CACNA2D3: variants seen among roughly 807,000 people sequenced by gnomAD.
CACNA2D3 encodes the protein calcium voltage-gated channel auxiliary subunit alpha2delta 3.
CACNA2D3 carries 60 observed loss-of-function variants against 160.6 expected under a neutral mutation model. That is an observed-to-expected ratio of 0.37 (90% CI 0.30 to 0.46). The LOEUF (loss-of-function observed/expected upper bound fraction) is 0.46, where lower values mean the gene tolerates loss of function less well. CACNA2D3 is among the 20% of genes least tolerant of loss of function. The probability of loss-of-function intolerance (pLI) is 1.00; values close to 1 mark genes in which losing one functional copy is unlikely to be tolerated. For synonymous variants in CACNA2D3, 558 were observed against 492.9 expected (o/e 1.13, Z -1.75); for missense variants, 1,205 against 1,365.0 (o/e 0.88, Z 1.85).
chr3:54,233,316 C>A (rs372009455), intron 2 of CACNA2D3, among the ~76,000 whole-genome samples: 2 of 152,130 alleles, frequency 1.3e-5, no homozygotes, highest in Non-Finnish European at 2.9e-5. Context: ...ATAGACAGAT[C>A]CATTAACTGG....
intron 14 of CACNA2D3, among the ~76,000 whole-genome samples, chr3:54,821,412 C>G (rs116353780): frequency 2.6e-5 from 4 of 152,134 alleles, no homozygotes; most frequent in African/African-American, 9.7e-5. Flanking sequence ...TGTTCTATGC[C>G]TGCTGTGATT....
At chr3:54,303,211 T>C (rs952470407) in intron 2 of CACNA2D3, among the ~76,000 whole-genome samples, 2 of 152,188 alleles carry the variant, frequency 1.3e-5, no homozygotes, top group Admixed American at 6.5e-5. Context: ...CACATTGCTT[T>C]TCTTCTCTGG....
intron 31 of CACNA2D3, among the ~76,000 whole-genome samples, chr3:54,994,326 C>T (rs951535689): frequency 1.6e-4 from 25 of 152,124 alleles, no homozygotes; most frequent in African/African-American, 4.3e-4. Flanking sequence ...CCTTTAATGC[C>T]GACTGCCCCG....
At chr3:54,332,875 T>C (rs1033116718) in intron 3 of CACNA2D3, among the ~76,000 whole-genome samples, 1 of 152,102 alleles carries the variant, frequency 6.6e-6, no homozygotes, top group African/African-American at 2.4e-5. Context: ...GATCTAGATT[T>C]ATAGCGGGCT....
intron 3 of CACNA2D3, among the ~76,000 whole-genome samples, chr3:54,348,283 T>C (rs1698493604): frequency 6.6e-6 from 1 of 152,218 alleles, no homozygotes; most frequent in Non-Finnish European, 1.5e-5. Flanking sequence ...GAGTAAGTAT[T>C]GGTACGTTTT....
At chr3:54,751,321 C>T (rs992004398) in intron 11 of CACNA2D3, among the ~76,000 whole-genome samples, 2 of 152,166 alleles carry the variant, frequency 1.3e-5, no homozygotes, top group Admixed American at 6.5e-5. Context: ...ATAATAATAA[C>T]GTGCATTTAC....
chr3:54,662,083 A>C (rs1699983866), intron 11 of CACNA2D3, among the ~76,000 whole-genome samples: 2 of 152,082 alleles, frequency 1.3e-5, no homozygotes, highest in Non-Finnish European at 2.9e-5. Context: ...GGCAGATATC[A>C]TGTTCCTCTG....
chr3:54,508,804 T>G (rs1575494933), intron 5 of CACNA2D3, among the ~76,000 whole-genome samples: 1 of 152,126 alleles, frequency 6.6e-6, no homozygotes, highest in East Asian at 1.9e-4. Context: ...AGCTACATTG[T>G]GCTCAGGGTC....
chr3:54,431,156 G>T (rs762846014), intron 4 of CACNA2D3, among the ~76,000 whole-genome samples: 1 of 151,890 alleles, frequency 6.6e-6, no homozygotes, highest in South Asian at 2.1e-4. Flanking sequence ...GGCTAACATG[G>T]TGAAACCCCG....
At chr3:54,649,894 C>T (rs1450937975) in intron 11 of CACNA2D3, among the ~76,000 whole-genome samples, 2 of 152,222 alleles carry the variant, frequency 1.3e-5, no homozygotes, top group Non-Finnish European at 2.9e-5. Context: ...CCTTGTGTTA[C>T]ACTTTAGGGA....
intron 11 of CACNA2D3, among the ~76,000 whole-genome samples, chr3:54,731,444 C>G (rs973998951): frequency 6.6e-6 from 1 of 152,166 alleles, no homozygotes. Flanking sequence ...TTGATGACCA[C>G]TTGTGTACAT....
chr3:54,597,362 G>A (rs749038162), intron 9 of CACNA2D3, among the ~76,000 whole-genome samples: 2 of 152,048 alleles, frequency 1.3e-5, no homozygotes, highest in African/African-American at 4.8e-5. Context: ...ATTTTTGGGA[G>A]CCCTTATAAC....
chr3:55,049,305 T>C (rs1226291724), intron 35 of CACNA2D3, among the ~76,000 whole-genome samples: 12 of 147,300 alleles, frequency 8.1e-5, no homozygotes, highest in Admixed American at 5.4e-4. Flanking sequence ...ATGTCGTGTC[T>C]TTGTTCTCGT....
intron 4 of CACNA2D3, among the ~76,000 whole-genome samples, chr3:54,471,930 T>C (rs1348829696): frequency 6.6e-6 from 1 of 152,084 alleles, no homozygotes; most frequent in Non-Finnish European, 1.5e-5. Context: ...AAAAAAGTCC[T>C]GGACCAGATG....
chr3:54,368,892 G>A lies in CACNA2D3; in HGVS notation c.322-17823G>A, dbSNP rs552343235. Reference sequence around the variant, plus strand: ...AATTTTTTGTATTTTTAGTGGAGACGGGGTTTCATTGTGTTAGCCAGGATA... The same window carrying A: ...AATTTTTTGTATTTTTAGTGGAGACAGGGTTTCATTGTGTTAGCCAGGATA... On this transcript the variant is annotated intron_variant, in intron 3 of 37. Coordinates refer to ENST00000474759, the MANE Select transcript of CACNA2D3 (RefSeq NM_018398.3). 2.6e-5 allele frequency among the ~76,000 whole-genome samples: 4 copies of A among 151,548 alleles called. No individual in the cohort carries two copies. The South Asian group carries it at 8.3e-4, about 32-fold the overall frequency.
chr3:54,777,453 TTC>T (rs1194957724), intron 13 of CACNA2D3, among the ~76,000 whole-genome samples: 1 of 152,186 alleles, frequency 6.6e-6, no homozygotes, highest in Non-Finnish European at 1.5e-5. Context: ...TAGGAGAAAT[TTC>T]TCTCTTGTTC....
intron 27 of CACNA2D3, among the ~76,000 whole-genome samples, chr3:54,905,751 A>G (rs774685014): frequency 1.1e-4 from 16 of 152,276 alleles, no homozygotes; most frequent in Non-Finnish European, 1.9e-4. Context: ...AAAGCGCAGG[A>G]CAGCCTCCAC....
chr3:54,549,218 G>A (rs1443358317), intron 5 of CACNA2D3, among the ~76,000 whole-genome samples: 2 of 152,090 alleles, frequency 1.3e-5, no homozygotes, highest in African/African-American at 2.4e-5. Context: ...AGACCGAGGC[G>A]GGCGGATCAC....
chr3:54,663,980 C>T (rs1377157472), intron 11 of CACNA2D3, among the ~76,000 whole-genome samples: 5 of 152,238 alleles, frequency 3.3e-5, no homozygotes, highest in African/African-American at 1.2e-4. Flanking sequence ...TTAGATTTTT[C>T]CATTCCCTAA....
Sources: gnomAD v4.1 joint callset for allele counts (sites outside exome capture counted in the v4.1 genomes callset) on GRCh38, gnomAD v4.1.1 for gene constraint, MANE v1.5 for transcripts, NCBI Gene and HGNC (gene_info 2026-07-23, HGNC 2026-07-21) for gene names.